DNAI3: variants seen among roughly 807,000 people sequenced by gnomAD.
DNAI3 encodes WD repeat domain 63.
A neutral mutation model predicts 115.5 loss-of-function variants in DNAI3; 83 were observed. The ratio of observed to expected loss-of-function variants is 0.72; its 90% CI spans 0.60 to 0.86. DNAI3 has a LOEUF of 0.86. Ranked by LOEUF, DNAI3 falls within the 40% of genes least tolerant of loss-of-function variation. The pLI is 0.00. For synonymous variants in DNAI3, 320 were observed against 347.0 expected (o/e 0.92, Z 0.86); for missense variants, 1,004 against 1,075.8 (o/e 0.93, Z 0.93).
At chr1:85,129,183 C>A (rs1047624952) in intron 21 of DNAI3, among the ~76,000 whole-genome samples, 1 of 152,150 alleles carries the variant, frequency 6.6e-6, no homozygotes, top group African/African-American at 2.4e-5. Context: ...GGCTCCCAAC[C>A]CAACTTGGAG....
intron 7 of DNAI3, 69 bp from the exon 8 acceptor site, chr1:85,090,047 C>T: frequency 3.3e-6 from 2 of 613,930 alleles, no homozygotes; most frequent in Admixed American, 3.1e-5. Context: ...ACACTTTTGA[C>T]CTGTTGTGGC....
In DNAI3 at chr1:85,108,062, A is replaced by G; in HGVS notation, c.1583A>G (p.Gln528Arg). 2 of 1,601,770 alleles carry G rather than the reference A, an allele frequency of 1.2e-6. No homozygotes were observed. Among genetic ancestry groups the G allele is most frequent in the Non-Finnish European group, 8.5e-7 (1 of 1,175,712 alleles). Reference protein sequence around the residue: ...CTICFWDIRPQKPLTPQTTEK... With the variant: ...CTICFWDIRPRKPLTPQTTEK... ...ATATGTTTTTGGGATATTAGACCAC[A>G]GAAACCTTTAACCCCCCAAACAACA... The change falls in exon 15 of 23, where the codon CAG becomes CGG. Residue 528 changes from glutamine (Q) to arginine (R), a missense_variant. Coordinates refer to ENST00000294664, the MANE Select transcript of DNAI3 (RefSeq NM_145172.5).
In DNAI3 at chr1:85,093,537, A is replaced by G; in HGVS notation, c.937A>G (p.Thr313Ala). 6.2e-7 allele frequency: 1 copy of G among 1,614,146 alleles called. No homozygotes were observed. Among genetic ancestry groups the G allele is most frequent in the Non-Finnish European group, 8.5e-7 (1 of 1,180,006 alleles). Residue 313 changes from threonine to alanine, a missense_variant, in exon 9 of 23, where the codon ACC becomes GCC. Thr to Ala is a moderately conservative substitution (Grantham distance 58). Coordinates refer to ENST00000294664, the MANE Select transcript of DNAI3 (RefSeq NM_145172.5). The stretch of plus-strand genomic sequence containing the variant: ...GAAATACCTCGCAGAAGAAGAAGGC[A>G]CCTTTGGGGACAAGACCGATACCCA... ...DWKYLAEEEG[T>A]FGDKTDTHLK...
chr1:85,090,647 T>C (rs1654943790), intron 8 of DNAI3, among the ~76,000 whole-genome samples: 1 of 152,246 alleles, frequency 6.6e-6, no homozygotes, highest in Non-Finnish European at 1.5e-5. Context: ...GATGAGAACC[T>C]GAATTTAATT....
At chr1:85,077,723 CTTATGGGTATGTACT>C (rs1654504029) in intron 3 of DNAI3, among the ~76,000 whole-genome samples, 1 of 151,950 alleles carries the variant, frequency 6.6e-6, no homozygotes, top group African/African-American at 2.4e-5. Context: ...ACATTTGGGT[CTTATGGGTATGTACT>C]TTATCTTGAT....
rs371228877 is a variant in DNAI3, at chr1:85,133,042, T to C, written c.*44T>C. 698 of 1,578,300 alleles carry C rather than the reference T, an allele frequency of 4.4e-4. 12 individuals carry two copies. The South Asian group carries it at 6.9e-3, about 16-fold the overall frequency. On this transcript the variant is annotated 3_prime_UTR_variant, in exon 23 of 23. Coordinates refer to ENST00000294664, the MANE Select transcript of DNAI3 (RefSeq NM_145172.5). ...TGTTTTGGGGACTTCTTCCCTCTAT[T>C]TATTTTTATGTCAGGTGAACTGGCA...
chr1:85,127,794 A>G (rs565438515), intron 20 of DNAI3, among the ~76,000 whole-genome samples: 28 of 152,272 alleles, frequency 1.8e-4, no homozygotes, highest in African/African-American at 6.3e-4. Context: ...AAAAAGGAAA[A>G]GAACACACAC....
chr1:85,097,244 C>T (rs989231060), intron 11 of DNAI3, among the ~76,000 whole-genome samples: 4 of 152,150 alleles, frequency 2.6e-5, no homozygotes, highest in African/African-American at 4.8e-5. Flanking sequence ...GCAACTGTCC[C>T]TACAATCATA....
intron 1 of DNAI3, among the ~76,000 whole-genome samples, chr1:85,069,406 C>T (rs555112871): frequency 6.6e-6 from 1 of 152,210 alleles, no homozygotes; most frequent in African/African-American, 2.4e-5. Flanking sequence ...TTTGTTCTGT[C>T]TTCCCCTAGA....
At chr1:85,062,699 G>A (rs866500054) in intron 1 of DNAI3, among the ~76,000 whole-genome samples, 6 of 152,254 alleles carry the variant, frequency 3.9e-5, no homozygotes, top group South Asian at 2.1e-4. Flanking sequence ...GACACTCTAA[G>A]AACTTTAAGG....
intron 18 of DNAI3, 34 bp downstream of exon 18, chr1:85,121,848 T>A (rs1284640784): frequency 1.2e-6 from 2 of 1,606,986 alleles, no homozygotes; most frequent in African/African-American, 2.7e-5. Flanking sequence ...ATTAATAAGA[T>A]GTTCCTTTTA....
chr1:85,099,985 A>T (rs962202194), intron 13 of DNAI3, among the ~76,000 whole-genome samples: 13 of 152,238 alleles, frequency 8.5e-5, no homozygotes, highest in Admixed American at 2.6e-4. Flanking sequence ...GATGGATTAA[A>T]GACTTGCATG....
At chr1:85,111,467 A>G (rs1351198795) in intron 16 of DNAI3, among the ~76,000 whole-genome samples, 3 of 152,098 alleles carry the variant, frequency 2.0e-5, no homozygotes, top group Non-Finnish European at 4.4e-5. Flanking sequence ...ACATACTTTC[A>G]TTCATTTAAC....
At chr1:85,066,392 G>A (rs1025165659) in intron 1 of DNAI3, among the ~76,000 whole-genome samples, 2 of 125,140 alleles carry the variant, frequency 1.6e-5, no homozygotes, top group African/African-American at 6.1e-5. Context: ...GCATGACCTC[G>A]GCTCACTGCA....
At position 85,090,163 on chromosome 1, in the gene DNAI3, C is replaced by T; in HGVS notation, c.788C>T (p.Ser263Leu). 6.3e-7 allele frequency: 1 copy of T among 1,591,434 alleles called. No individual in the cohort carries two copies. Among genetic ancestry groups the T allele is most frequent in the Non-Finnish European group, 8.5e-7 (1 of 1,170,892 alleles). Residue 263 changes from serine to leucine, a missense_variant, in exon 8 of 23, where the codon TCA (serine) becomes TTA (leucine). Coordinates refer to ENST00000294664, the MANE Select transcript of DNAI3 (RefSeq NM_145172.5). ...ACGCAATATTATCCAAGAGAATTCT[C>T]AGAAGAGGAAAAAGAGACACTCAAA... ...ATTQYYPREF[S>L]EEEKETLKQS...
At chr1:85,069,824 A>G (rs931248617) in intron 1 of DNAI3, among the ~76,000 whole-genome samples, 2 of 152,224 alleles carry the variant, frequency 1.3e-5, no homozygotes, top group Non-Finnish European at 2.9e-5. Context: ...AAAAAGGAAT[A>G]GATGAAAGAT....
chr1:85,110,221 G>A (rs1655613420), intron 16 of DNAI3, 86 bp downstream of exon 16: 1 of 1,208,570 alleles, frequency 8.3e-7, no homozygotes, highest in Non-Finnish European at 1.2e-6. Context: ...GGAGGCTGAG[G>A]CGGGCGGATC....
chr1:85,108,256 C>A, intron 15 of DNAI3, 79 bp downstream of exon 15: 1 of 1,376,620 alleles, frequency 7.3e-7, no homozygotes, highest in Non-Finnish European at 9.5e-7. Context: ...TACATATACA[C>A]ACACTCTCTA....
rs535106577 is a variant in DNAI3, at chr1:85,084,118, G to T, written c.391-428G>T. Among the ~76,000 whole-genome samples the T allele has an allele frequency of 7.2e-5, 7 of 96,754 alleles. No individual in the cohort carries two copies. In the South Asian group the frequency reaches 9.2e-4, roughly 13 times the overall value. The allele number at this position is 96,754 out of a possible 152,430, so 63.5% of individuals were successfully genotyped here. ...CCATTCCTCTATTGATATTCATTTG[G>T]TTGATTTTTTTTTTTTTACTATTAC... On this transcript the variant is annotated intron_variant, in intron 5 of 22. Coordinates refer to ENST00000294664, the MANE Select transcript of DNAI3 (RefSeq NM_145172.5).
Sources: allele counts gnomAD v4.1 joint callset (sites outside exome capture counted in the v4.1 genomes callset), GRCh38; gene constraint gnomAD v4.1.1; transcripts MANE v1.5; gene names NCBI Gene and HGNC (gene_info 2026-07-23, HGNC 2026-07-21).